Variants in ROBO2 observed in about 807,000 individuals in gnomAD.
The protein encoded by ROBO2 is roundabout guidance receptor 2.
ROBO2 carries 53 observed loss-of-function variants against 160.8 expected under a neutral mutation model. That is an observed-to-expected ratio of 0.33 (90% CI 0.26 to 0.41). The LOEUF is 0.41. Among genes scored for constraint, ROBO2 ranks in the 10% least tolerant of loss-of-function variants. ROBO2 has a pLI of 1.00. For missense variants in ROBO2, 1,577 were observed against 1,722.4 expected, an observed-to-expected ratio of 0.92 and a Z score of 1.49; for synonymous variants, 664 against 611.7, an observed-to-expected ratio of 1.09 and a Z score of -1.26.
chr3:76,842,419 G>A (rs2068372920), intron 2 of ROBO2, among the ~76,000 whole-genome samples: 1 of 152,152 alleles, frequency 6.6e-6, no homozygotes, highest in African/African-American at 2.4e-5. Flanking sequence ...CACTGGGAAC[G>A]GTTTTCAGCA....
chr3:77,060,811 G>A (rs2066223042), intron 1 of ROBO2, among the ~76,000 whole-genome samples: 1 of 152,112 alleles, frequency 6.6e-6, no homozygotes, highest in African/African-American at 2.4e-5. Context: ...TCTAAATTCT[G>A]TAACTAACAG....
At chr3:77,357,828 A>G (rs918450229) in intron 2 of ROBO2, among the ~76,000 whole-genome samples, 3 of 152,174 alleles carry the variant, frequency 2.0e-5, no homozygotes, top group Non-Finnish European at 2.9e-5. Context: ...GTAAAGTTTA[A>G]GGGATAGAAG....
intron 2 of ROBO2, among the ~76,000 whole-genome samples, chr3:76,535,557 C>T (rs945882894): frequency 6.6e-6 from 1 of 151,922 alleles, no homozygotes; most frequent in East Asian, 1.9e-4. Flanking sequence ...AAAAGGACAG[C>T]AATGAGGTGT....
At chr3:77,263,492 G>C (rs1009334141) in intron 2 of ROBO2, among the ~76,000 whole-genome samples, 10 of 152,178 alleles carry the variant, frequency 6.6e-5, no homozygotes, top group African/African-American at 2.4e-4. Flanking sequence ...ACTTAGGAGT[G>C]AGAACATGTG....
chr3:77,176,017 G>A (rs1023643039), intron 2 of ROBO2, among the ~76,000 whole-genome samples: 3 of 151,970 alleles, frequency 2.0e-5, no homozygotes, highest in African/African-American at 7.2e-5. Context: ...CTGAGGTGGA[G>A]AAAGCCTGAA....
intron 2 of ROBO2, among the ~76,000 whole-genome samples, chr3:75,995,904 G>T (rs572203711): frequency 3.9e-5 from 6 of 152,154 alleles, no homozygotes; most frequent in Non-Finnish European, 7.3e-5. Context: ...GGACTTGCAT[G>T]GGCCTGTATC....
At chr3:76,541,627 G>C (rs946385680) in intron 2 of ROBO2, among the ~76,000 whole-genome samples, 1 of 152,188 alleles carries the variant, frequency 6.6e-6, no homozygotes, top group African/African-American at 2.4e-5. Context: ...TGAGTGTTTT[G>C]TTGGATCCCA....
At chr3:76,641,060 C>G (rs57176184) in intron 2 of ROBO2, among the ~76,000 whole-genome samples, 2,658 of 152,216 alleles carry the variant, frequency 0.017, 85 homozygotes, top group African/African-American at 0.058. Flanking sequence ...TATAGAAGAA[C>G]TGACGAAAAT....
intron 1 of ROBO2, among the ~76,000 whole-genome samples, chr3:77,048,211 A>G (rs1044389028): frequency 6.6e-6 from 1 of 152,180 alleles, no homozygotes; most frequent in African/African-American, 2.4e-5. Flanking sequence ...CTAATTATGG[A>G]CTACAATTGG....
intron 2 of ROBO2, among the ~76,000 whole-genome samples, chr3:77,195,645 G>T (rs961142915): frequency 2.0e-5 from 3 of 152,176 alleles, no homozygotes; most frequent in African/African-American, 7.2e-5. Flanking sequence ...TGCTTTATAA[G>T]AAAACTTTTT....
intron 2 of ROBO2, among the ~76,000 whole-genome samples, chr3:76,845,265 C>G (rs2068669402): frequency 6.6e-6 from 1 of 151,892 alleles, no homozygotes; most frequent in South Asian, 2.1e-4. Context: ...TATCTTCTAA[C>G]AGAGAATGTT....
intron 2 of ROBO2, among the ~76,000 whole-genome samples, chr3:77,239,330 T>C (rs1193978801): frequency 6.6e-6 from 1 of 151,800 alleles, no homozygotes; most frequent in Non-Finnish European, 1.5e-5. Flanking sequence ...GTTCCTCCCG[T>C]CCAGAGTTGT....
intron 2 of ROBO2, among the ~76,000 whole-genome samples, chr3:77,011,320 C>T (rs2061909690): frequency 6.6e-6 from 1 of 152,040 alleles, no homozygotes; most frequent in Admixed American, 6.6e-5. Context: ...TCAATAAATA[C>T]GTCAAATGAA....
intron 2 of ROBO2, among the ~76,000 whole-genome samples, chr3:76,830,679 T>C (rs961737309): frequency 1.3e-5 from 2 of 150,166 alleles, no homozygotes; most frequent in African/African-American, 2.4e-5. Context: ...AAAATACTAA[T>C]CAAAAGTCAC....
chr3:75,951,227 A>G (rs1948523946), intron 2 of ROBO2, among the ~76,000 whole-genome samples: 2 of 152,050 alleles, frequency 1.3e-5, no homozygotes, highest in East Asian at 3.9e-4. Flanking sequence ...AGAACCTATC[A>G]ATGATGTTCA....
At chr3:76,739,617 A>G (rs974286847) in intron 2 of ROBO2, among the ~76,000 whole-genome samples, 4 of 147,478 alleles carry the variant, frequency 2.7e-5, no homozygotes, top group Admixed American at 6.8e-5. Flanking sequence ...CCTAAAACTT[A>G]AAAGTATAAT....
intron 2 of ROBO2, among the ~76,000 whole-genome samples, chr3:77,275,973 T>C (rs1027750055): frequency 6.6e-6 from 1 of 152,180 alleles, no homozygotes; most frequent in Non-Finnish European, 1.5e-5. Flanking sequence ...CATCCAATTG[T>C]TTTCCCTTAT....
At chr3:75,952,995 T>C (rs1559779660) in intron 2 of ROBO2, among the ~76,000 whole-genome samples, 2 of 151,978 alleles carry the variant, frequency 1.3e-5, no homozygotes, top group Admixed American at 6.6e-5. Context: ...GTTGCCTGGA[T>C]ATAACACAGT....
intron 2 of ROBO2, among the ~76,000 whole-genome samples, chr3:77,394,144 C>T (rs72899131): frequency 0.038 from 5,842 of 152,176 alleles, 379 homozygotes; most frequent in African/African-American, 0.13. Flanking sequence ...AGCATCTGTA[C>T]TTTAAGAAGG....
Sources: gnomAD v4.1 joint callset for allele counts (sites outside exome capture counted in the v4.1 genomes callset) on GRCh38, gnomAD v4.1.1 for gene constraint, MANE v1.5 for transcripts, NCBI Gene and HGNC (gene_info 2026-07-23, HGNC 2026-07-21) for gene names.